The following DIPK1A variants were observed in gnomAD, a reference collection of about 807,000 sequenced individuals.
DIPK1A encodes the protein divergent protein kinase domain 1A.
Under a neutral mutation model 40.8 loss-of-function variants are expected in DIPK1A, and 27 were observed. That is an observed-to-expected ratio of 0.66 (90% CI 0.49 to 0.91). The LOEUF is 0.91. DIPK1A is among the 40% of genes least tolerant of loss of function. The pLI is 0.00. For missense variants in DIPK1A, 412 were observed against 505.7 expected, an observed-to-expected ratio of 0.81 and a Z score of 1.78; for synonymous variants, 166 against 171.3, an observed-to-expected ratio of 0.97 and a Z score of 0.24.
At chr1:92,889,864 G>A (rs1318510463) in intron 1 of DIPK1A, among the ~76,000 whole-genome samples, 1 of 152,066 alleles carries the variant, frequency 6.6e-6, no homozygotes, top group African/African-American at 2.4e-5. Flanking sequence ...TGCCCAGGCT[G>A]GTCTTGAACT....
At chr1:92,905,121 G>T (rs562922277) in intron 1 of DIPK1A, among the ~76,000 whole-genome samples, 2 of 152,252 alleles carry the variant, frequency 1.3e-5, no homozygotes, top group African/African-American at 4.8e-5. Context: ...TAATGGGAAT[G>T]CAGAAACCTA....
At chr1:92,939,914 T>C (rs924056225) in intron 1 of DIPK1A, among the ~76,000 whole-genome samples, 3 of 151,470 alleles carry the variant, frequency 2.0e-5, no homozygotes, top group African/African-American at 7.3e-5. Context: ...ATCACGCCAC[T>C]GCACTCCAGC....
At chr1:92,847,867 C>G (rs1204580542) in intron 3 of DIPK1A, among the ~76,000 whole-genome samples, 1 of 152,122 alleles carries the variant, frequency 6.6e-6, no homozygotes, top group African/African-American at 2.4e-5. Flanking sequence ...TCCCAAGTAG[C>G]CAGGACTATA....
chr1:92,896,288 T>C (rs1649163382), intron 1 of DIPK1A, among the ~76,000 whole-genome samples: 1 of 152,220 alleles, frequency 6.6e-6, no homozygotes, highest in Non-Finnish European at 1.5e-5. Flanking sequence ...AATAGCATGG[T>C]ACTGGTACCA....
chr1:92,928,849 C>T (rs1374077952), intron 1 of DIPK1A, among the ~76,000 whole-genome samples: 2 of 152,106 alleles, frequency 1.3e-5, no homozygotes, highest in African/African-American at 4.8e-5. Context: ...GTAATCCCAG[C>T]TACTCAGGAG....
In DIPK1A at chr1:92,843,452, T is replaced by C; in HGVS notation, c.1218A>G (p.Glu406=). ...LKVTANQMEM[E]HSLILNNLKT... ...TTAGGTTATTTAGTATCAAAGAATGTTCCATTTCCATTTGATTTGCTGTGA... is the reference window on the plus strand; with the variant it reads ...TTAGGTTATTTAGTATCAAAGAATGCTCCATTTCCATTTGATTTGCTGTGA... Residue 406 remains glutamate (E), a synonymous_variant, in exon 5 of 5, where the codon GAA becomes GAG. Transcript: ENST00000370310. 1 of 1,551,070 alleles carries C rather than the reference T, an allele frequency of 6.4e-7. No homozygotes were observed.
At chr1:92,934,489 T>A (rs1650875707) in intron 1 of DIPK1A, among the ~76,000 whole-genome samples, 1 of 152,170 alleles carries the variant, frequency 6.6e-6, no homozygotes, top group South Asian at 2.1e-4. Context: ...AAGTTATGCA[T>A]GAGAAAAGCT....
chr1:92,955,916 C>T (rs533209083), intron 1 of DIPK1A, among the ~76,000 whole-genome samples: 4 of 151,476 alleles, frequency 2.6e-5, no homozygotes, highest in African/African-American at 9.7e-5. Context: ...GTGGGATGTG[C>T]CTGTAGCTAC....
chr1:92,929,641 T>C (rs1349508311), intron 1 of DIPK1A, among the ~76,000 whole-genome samples: 1 of 152,240 alleles, frequency 6.6e-6, no homozygotes, highest in Non-Finnish European at 1.5e-5. Flanking sequence ...TCCTTTCCAG[T>C]GCCTTTAAAT....
At position 92,844,251 on chromosome 1, in the gene DIPK1A, A is replaced by G. The variant is rs1687500863; in HGVS notation, c.475-56T>C. ...GAATGAAAAATACCTCCCATGCAACATACTAAGTTTCTTTACGGGCATTAT... is the reference window on the plus strand; with the variant it reads ...GAATGAAAAATACCTCCCATGCAACGTACTAAGTTTCTTTACGGGCATTAT... On this transcript the variant is annotated intron_variant, in intron 4 of 4. Transcript: ENST00000370310. 4 of 1,095,010 alleles carry G rather than the reference A, an allele frequency of 3.7e-6. No individual in the cohort carries two copies. In the Admixed American group the frequency reaches 1.0e-4, roughly 28 times the overall value. The allele number at this position is 1,095,010 out of a possible 1,614,324, so 67.8% of individuals were successfully genotyped here. A position where few individuals can be genotyped will look rare whatever the true frequency, so the allele number is the denominator to read the frequency against.
chr1:92,873,525 G>C (rs1288839963), intron 2 of DIPK1A, among the ~76,000 whole-genome samples: 2 of 150,696 alleles, frequency 1.3e-5, no homozygotes, highest in Non-Finnish European at 2.9e-5. Flanking sequence ...TGAGGCAGGA[G>C]AATCATTTGA....
chr1:92,845,712 TG>T (rs1349313586), intron 4 of DIPK1A, among the ~76,000 whole-genome samples: 2 of 151,778 alleles, frequency 1.3e-5, no homozygotes, highest in African/African-American at 4.8e-5. Context: ...GGCGGGTGCC[TG>T]TAATCCCAGC....
chr1:92,936,396 G>C (rs1006517338), intron 1 of DIPK1A, among the ~76,000 whole-genome samples: 3 of 152,096 alleles, frequency 2.0e-5, no homozygotes, highest in African/African-American at 7.2e-5. Flanking sequence ...GGGAGGCCGA[G>C]GCAGGCAGAT....
At chr1:92,868,134 G>GTATA (rs1647652356) in intron 2 of DIPK1A, among the ~76,000 whole-genome samples, 1 of 152,174 alleles carries the variant, frequency 6.6e-6, no homozygotes, top group Non-Finnish European at 1.5e-5. Flanking sequence ...TCTCGAGCCT[G>GTATA]TATAGTGTAG....
chr1:92,912,003 C>CAAAAAA (rs5776162), intron 1 of DIPK1A, among the ~76,000 whole-genome samples: 19 of 43,684 alleles, frequency 4.3e-4, no homozygotes, highest in African/African-American at 1.4e-3. Context: ...GACTCCATCT[C>CAAAAAA]AAAAAAAAAA....
At chr1:92,919,833 G>A (rs931182109) in intron 1 of DIPK1A, among the ~76,000 whole-genome samples, 4 of 152,282 alleles carry the variant, frequency 2.6e-5, no homozygotes, top group Middle Eastern at 6.8e-3. Flanking sequence ...GGATACATGG[G>A]TGCTCATCAA....
chr1:92,843,111 C>G lies in DIPK1A; in HGVS notation c.*272G>C. The G allele has an allele frequency of 8.9e-7, 1 of 1,117,724 alleles. No individual in the cohort carries two copies. Among genetic ancestry groups the G allele is most frequent in the Non-Finnish European group, 1.1e-6 (1 of 913,860 alleles). 69.2% of individuals were successfully genotyped at this position (1,117,724 alleles called of 1,614,324 possible). ...GATGTTTATGGAATGAAGCTTTTCA[C>G]AGCATTGGTTTTTAAAGTCAGTCAA... On this transcript the variant is annotated 3_prime_UTR_variant, in exon 5 of 5. Transcript: ENST00000370310.
intron 2 of DIPK1A, among the ~76,000 whole-genome samples, chr1:92,863,571 CAAAAAA>C: frequency 9.9e-6 from 1 of 101,070 alleles, no homozygotes; most frequent in Non-Finnish European, 1.8e-5. Flanking sequence ...CTGTCTCTAC[CAAAAAA>C]AAAAAAAAAA....
chr1:92,926,477 T>G (rs879872417), intron 1 of DIPK1A, among the ~76,000 whole-genome samples: 7 of 152,190 alleles, frequency 4.6e-5, no homozygotes, highest in Non-Finnish European at 8.8e-5. Flanking sequence ...AAAGACTGTT[T>G]ATTCTGTATT....
Sources: allele counts gnomAD v4.1 joint callset (sites outside exome capture counted in the v4.1 genomes callset), GRCh38; gene constraint gnomAD v4.1.1; transcripts MANE v1.5; gene names NCBI Gene and HGNC (gene_info 2026-07-23, HGNC 2026-07-21).